Variants in HERC1 observed in about 807,000 individuals in gnomAD.
HERC1 encodes the protein probable E3 ubiquitin-protein ligase HERC1.
A neutral mutation model predicts 554.3 loss-of-function variants in HERC1; 160 were observed. The observed-to-expected ratio is 0.29, with a 90% CI of 0.25 to 0.33. The LOEUF is 0.33. Ranked by LOEUF, HERC1 falls within the 10% of genes least tolerant of loss-of-function variation. HERC1 has a pLI of 1.00. For synonymous variants in HERC1, 2,175 were observed against 2,131.7 expected, an observed-to-expected ratio of 1.02 and a Z score of -0.56; for missense variants, 4,919 against 5,918.5, an observed-to-expected ratio of 0.83 and a Z score of 5.54.
At chr15:63,613,418 C>T (rs2067686099) in intron 76 of HERC1, among the ~76,000 whole-genome samples, 1 of 151,994 alleles carries the variant, frequency 6.6e-6, no homozygotes, top group Non-Finnish European at 1.5e-5. Context: ...TAGTGCATAC[C>T]CTACACACAG....
At chr15:63,657,011 G>A (rs578016168) in intron 48 of HERC1, among the ~76,000 whole-genome samples, 1 of 152,204 alleles carries the variant, frequency 6.6e-6, no homozygotes, top group East Asian at 1.9e-4. Flanking sequence ...GTCTTTAGGG[G>A]GCACATATTT....
chr15:63,833,506 CGTT>C (rs778570518), intron 1 of HERC1, among the ~76,000 whole-genome samples: 81 of 152,152 alleles, frequency 5.3e-4, no homozygotes, highest in Non-Finnish European at 7.9e-4. Flanking sequence ...GGGGCACAGA[CGTT>C]GTAAGCCGCT....
chr15:63,833,637 G>A (rs2078235378), intron 1 of HERC1, among the ~76,000 whole-genome samples, 190 bp downstream of exon 1: 1 of 151,830 alleles, frequency 6.6e-6, no homozygotes, highest in Admixed American at 6.6e-5. Flanking sequence ...GGCGCGCCAG[G>A]AGGGCTCCCC....
At chr15:63,651,200 A>G (rs1306525701) in intron 53 of HERC1, 53 bp downstream of exon 53, 22 of 1,554,750 alleles carry the variant, frequency 1.4e-5, no homozygotes, top group South Asian at 3.4e-5. Flanking sequence ...GACTAAGAAG[A>G]AGGCTTTAAA....
At chr15:63,789,780 C>T (rs980894425) in intron 1 of HERC1, among the ~76,000 whole-genome samples, 6 of 141,286 alleles carry the variant, frequency 4.2e-5, no homozygotes, top group East Asian at 2.0e-4. Flanking sequence ...CCAGCCTGGG[C>T]GACCAAGCGA....
At chr15:63,710,936 G>A (rs2073261546) in intron 24 of HERC1, among the ~76,000 whole-genome samples, 1 of 152,196 alleles carries the variant, frequency 6.6e-6, no homozygotes, top group Non-Finnish European at 1.5e-5. Context: ...AGACCATGAA[G>A]AGCCTATAGA....
At chr15:63,825,211 G>C (rs1426818776) in intron 1 of HERC1, among the ~76,000 whole-genome samples, 2 of 152,148 alleles carry the variant, frequency 1.3e-5, no homozygotes, top group Non-Finnish European at 2.9e-5. Flanking sequence ...TAAGGCATGA[G>C]AATCACCTGA....
At chr15:63,702,384 ACC>A (rs1445227795) in intron 25 of HERC1, among the ~76,000 whole-genome samples, 1 of 152,150 alleles carries the variant, frequency 6.6e-6, no homozygotes, top group Non-Finnish European at 1.5e-5. Context: ...TAGCAATAAA[ACC>A]CTATCAAAAT....
chr15:63,831,182 C>A (rs1223862372), intron 1 of HERC1, among the ~76,000 whole-genome samples: 1 of 152,192 alleles, frequency 6.6e-6, no homozygotes, highest in South Asian at 2.1e-4. Flanking sequence ...TCACAGCTCA[C>A]TGCAGCCTCA....
chr15:63,773,582 C>A (rs938308058), intron 2 of HERC1, among the ~76,000 whole-genome samples: 1 of 151,028 alleles, frequency 6.6e-6, no homozygotes, highest in Non-Finnish European at 1.5e-5. Context: ...GATTCTCGCT[C>A]TGTTGCCCAG....
At chr15:63,687,097 T>C (rs999055085) in intron 33 of HERC1, among the ~76,000 whole-genome samples, 1 of 137,446 alleles carries the variant, frequency 7.3e-6, no homozygotes, top group Non-Finnish European at 1.6e-5. Flanking sequence ...TGAATTTTAC[T>C]CTACTGACAT....
intron 52 of HERC1, among the ~76,000 whole-genome samples, 190 bp from the exon 53 acceptor site, chr15:63,651,570 T>C (rs967773894): frequency 6.6e-6 from 1 of 152,248 alleles, no homozygotes; most frequent in Non-Finnish European, 1.5e-5. Context: ...AAATGAATTA[T>C]AAAAGAGTGA....
chr15:63,744,154 GTGTGTGTGTGTCTC>G lies in HERC1; in HGVS notation c.2520+2750_2520+2763del, dbSNP rs1479194560. On this transcript the variant is annotated intron_variant, in intron 12 of 77. Transcript: ENST00000443617. The stretch of plus-strand genomic sequence containing the variant: ...TGTGTGTGTGTGTGTGTGTGTGTGT[GTGTGTGTGTGTCTC>G]TCTCTCTCTCTCTCTCTCTCTCTCT... Among the ~76,000 whole-genome samples, 363 of 41,944 alleles carry G rather than the reference GTGTGTGTGTGTCTC, an allele frequency of 8.7e-3. 1 individual carries two copies. The highest frequency in any genetic ancestry group is 0.017 in the Non-Finnish European group (234 of 13,432). 27.5% of individuals were successfully genotyped at this position (41,944 alleles called of 152,430 possible).
intron 26 of HERC1, among the ~76,000 whole-genome samples, chr15:63,697,611 C>T (rs571918585): frequency 1.3e-5 from 2 of 152,106 alleles, no homozygotes; most frequent in East Asian, 1.9e-4. Flanking sequence ...TCCACCACCA[C>T]GCCCAGTTAA....
Position 63,756,171 on chromosome 15 carries a change from A to AT in HERC1, c.1533+265dup, listed in dbSNP as rs2075414467. Among the ~76,000 whole-genome samples, 1 of 152,334 alleles carries AT rather than the reference A, an allele frequency of 6.6e-6. No homozygotes were observed. Among genetic ancestry groups the AT allele is most frequent in the South Asian group, 2.1e-4 (1 of 4,826 alleles). On this transcript the variant is annotated intron_variant, in intron 5 of 77. Coordinates refer to ENST00000443617, the MANE Select transcript of HERC1 (RefSeq NM_003922.4). This position sits in a 1 kb window ranked among gnomAD's most constrained non-coding sequence, Gnocchi z 5.0. ...CTGCCTGACACTTCAAAAGTGCTAAATGTTTGTTAAATGAATGACTCTCAG... is the reference window on the plus strand; with the variant it reads ...CTGCCTGACACTTCAAAAGTGCTAAATTGTTTGTTAAATGAATGACTCTCAG...
At chr15:63,813,207 A>C (rs2077385430) in intron 1 of HERC1, among the ~76,000 whole-genome samples, 1 of 152,214 alleles carries the variant, frequency 6.6e-6, no homozygotes, top group Non-Finnish European at 1.5e-5. Context: ...TAAAGAATCT[A>C]CAGGTGGTTT....
At chr15:63,788,645 A>C (rs975976408) in intron 1 of HERC1, among the ~76,000 whole-genome samples, 4 of 152,268 alleles carry the variant, frequency 2.6e-5, no homozygotes, top group Admixed American at 1.3e-4. Flanking sequence ...AGCTGGGCAC[A>C]GTGGCTCATG....
chr15:63,743,223 C>T, intron 12 of HERC1, among the ~76,000 whole-genome samples: 1 of 147,606 alleles, frequency 6.8e-6, no homozygotes. Flanking sequence ...TTTCTTTTGT[C>T]TCCTCTGTGT....
intron 75 of HERC1, 145 bp from the exon 76 acceptor site, chr15:63,616,065 GC>G: frequency 4.3e-6 from 3 of 692,806 alleles, no homozygotes; most frequent in Non-Finnish European, 7.1e-6. Context: ...GACTGATCAG[GC>G]TACTTGATCA....
Sources: allele counts gnomAD v4.1 joint callset (sites outside exome capture counted in the v4.1 genomes callset), GRCh38; gene constraint gnomAD v4.1.1; non-coding constraint Gnocchi (gnomAD v3.1); transcripts MANE v1.5; gene names NCBI Gene and HGNC (gene_info 2026-07-23, HGNC 2026-07-21).